FHOD3: variants seen among roughly 807,000 people sequenced by gnomAD.
FHOD3 encodes FH1/FH2 domain-containing protein 3.
FHOD3 carries 90 observed loss-of-function variants against 173.0 expected under a neutral mutation model. That is an observed-to-expected ratio of 0.52 (90% confidence interval 0.44 to 0.62). FHOD3 has a LOEUF of 0.62. FHOD3 is among the 20% of genes least tolerant of loss of function. The pLI, the probability that FHOD3 is intolerant of heterozygous loss-of-function variation, is 0.00. For synonymous variants in FHOD3, 828 were observed against 823.0 expected (o/e 1.01, Z -0.10); for missense variants, 1,945 against 2,034.7 (o/e 0.96, Z 0.85).
At position 36,753,338 on chromosome 18, in the gene FHOD3, T is replaced by G. The variant is rs575875037; in HGVS notation, c.4233-1781T>G. Among the ~76,000 whole-genome samples, 4 of 152,294 alleles carry G rather than the reference T, an allele frequency of 2.6e-5. No individual in the cohort carries two copies. In the South Asian group the frequency reaches 8.3e-4, roughly 32 times the overall value. The stretch of plus-strand genomic sequence containing the variant: ...TCAGGGAATAACCAGGATTCCAGTG[T>G]AACTAGAGTCACAAGAGATGAAGTC... On this transcript the variant is annotated intron_variant, in intron 24 of 28. Transcript: ENST00000590592.
intron 11 of FHOD3, among the ~76,000 whole-genome samples, chr18:36,652,078 G>C (rs549145296): frequency 6.6e-6 from 1 of 152,160 alleles, no homozygotes; most frequent in Non-Finnish European, 1.5e-5. Flanking sequence ...TGTCACAAAA[G>C]GTTCTGGAAG....
At chr18:36,510,789 TTC>T (rs1438987966) in intron 4 of FHOD3, among the ~76,000 whole-genome samples, 1 of 152,214 alleles carries the variant, frequency 6.6e-6, no homozygotes, top group Admixed American at 6.5e-5. Context: ...TTGTCCCATT[TTC>T]TTTCTTCCAA....
At chr18:36,649,192 AATT>A (rs2035884908) in intron 10 of FHOD3, 121 bp from the exon 11 acceptor site, 12 of 520,808 alleles carry the variant, frequency 2.3e-5, no homozygotes, top group South Asian at 8.8e-5. Flanking sequence ...TTTTTTTTTT[AATT>A]ATTATTATTT....
At position 36,337,549 on chromosome 18, in the gene FHOD3, C is replaced by T. The variant is rs190712663; in HGVS notation, c.166-17990C>T. ...CCTGCATGTGGCTCTTTGGAAGGGC[C>T]ATCCTTCAGCATCCTGGAGCTCCAG... On this transcript the variant is annotated intron_variant, in intron 1 of 28. Transcript: ENST00000590592. 2.0e-3 allele frequency among the ~76,000 whole-genome samples: 312 copies of T among 152,284 alleles called. 1 individual carries two copies. The highest frequency in any genetic ancestry group is 7.2e-3 in the African/African-American group (298 of 41,552).
chr18:36,398,512 T>C (rs2048658670), intron 3 of FHOD3, among the ~76,000 whole-genome samples: 1 of 152,198 alleles, frequency 6.6e-6, no homozygotes, highest in Non-Finnish European at 1.5e-5. Context: ...CACTCAGTAC[T>C]GGTTAGGATT....
intron 19 of FHOD3, among the ~76,000 whole-genome samples, chr18:36,722,576 T>C (rs1434712901): frequency 6.6e-6 from 1 of 152,160 alleles, no homozygotes; most frequent in Admixed American, 6.5e-5. Flanking sequence ...AAAAATTAGG[T>C]CAGGGTGAGC....
chr18:36,763,116 A>AATATGTGTATTATACACGTTAT, intron 27 of FHOD3, among the ~76,000 whole-genome samples: 1 of 130,878 alleles, frequency 7.6e-6, no homozygotes, highest in East Asian at 2.0e-4. Context: ...CGTTATATAT[A>AATATGTGTATTATACACGTTAT]ATATGTGTAT....
intron 3 of FHOD3, among the ~76,000 whole-genome samples, chr18:36,377,548 T>C (rs1413096983): frequency 6.6e-6 from 1 of 152,204 alleles, no homozygotes; most frequent in Admixed American, 6.5e-5. Context: ...GACACTCTTG[T>C]TCTGACAGCA....
intron 22 of FHOD3, among the ~76,000 whole-genome samples, chr18:36,743,308 CAAAAAAAAA>C (rs57694311): frequency 9.1e-5 from 6 of 65,872 alleles, no homozygotes; most frequent in East Asian, 5.7e-4. Flanking sequence ...GACTCTGTCT[CAAAAAAAAA>C]AAAAAAAAAA....
intron 5 of FHOD3, among the ~76,000 whole-genome samples, chr18:36,538,784 G>A (rs1243646889): frequency 6.6e-6 from 1 of 152,190 alleles, no homozygotes; most frequent in Non-Finnish European, 1.5e-5. Flanking sequence ...AGGTAGGAAT[G>A]TGTGTGATTA....
chr18:36,537,795 G>T (rs2057055419), intron 5 of FHOD3, among the ~76,000 whole-genome samples: 1 of 152,196 alleles, frequency 6.6e-6, no homozygotes, highest in South Asian at 2.1e-4. Context: ...TAATTAGAAA[G>T]AAAATCAGTA....
At chr18:36,392,354 T>C (rs1008393838) in intron 3 of FHOD3, among the ~76,000 whole-genome samples, 1 of 152,146 alleles carries the variant, frequency 6.6e-6, no homozygotes, top group Non-Finnish European at 1.5e-5. Flanking sequence ...GAGTGTGGGA[T>C]TATAGTGAGA....
At chr18:36,624,351 C>T (rs2033933069) in intron 9 of FHOD3, among the ~76,000 whole-genome samples, 1 of 152,118 alleles carries the variant, frequency 6.6e-6, no homozygotes, top group South Asian at 2.1e-4. Context: ...CAGGGCACAC[C>T]TGGTTCATTA....
intron 18 of FHOD3, among the ~76,000 whole-genome samples, chr18:36,714,870 C>A (rs1190855780): frequency 6.6e-6 from 1 of 152,282 alleles, no homozygotes; most frequent in East Asian, 1.9e-4. Context: ...TCAGGTTAAG[C>A]CATTGTTGCA....
chr18:36,693,409 C>G lies in FHOD3; in HGVS notation c.2222C>G (p.Pro741Arg). The G allele has an allele frequency of 6.2e-7, 1 of 1,613,682 alleles. No homozygotes were observed. The highest frequency in any genetic ancestry group is 8.5e-7 in the Non-Finnish European group (1 of 1,179,774). The change falls in exon 17 of 29, where the codon CCT becomes CGT. Residue 741 changes from proline (P) to arginine (R), a missense_variant. Around this residue, in one of 5 missense-constraint regions of FHOD3, gnomAD observed 1,099 missense variants for 1,051.2 expected, o/e 1.05. Transcript: ENST00000590592. ...LTVSASSPGT[P>R]HHPQASAGDP... ...GTGTCTGCCTCCTCCCCAGGAACCC[C>G]TCACCATCCCCAAGGTGAGTACAGG...
intron 4 of FHOD3, among the ~76,000 whole-genome samples, chr18:36,507,841 C>T (rs1187278029): frequency 6.6e-6 from 1 of 152,086 alleles, no homozygotes; most frequent in South Asian, 2.1e-4. Flanking sequence ...TCTTCTTATG[C>T]CAGCAGAAGG....
At chr18:36,612,709 T>G (rs928315711) in intron 9 of FHOD3, among the ~76,000 whole-genome samples, 1 of 152,256 alleles carries the variant, frequency 6.6e-6, no homozygotes, top group African/African-American at 2.4e-5. Context: ...CTTTATATTA[T>G]GAAGTGTCAG....
intron 3 of FHOD3, among the ~76,000 whole-genome samples, chr18:36,446,398 A>C (rs1344051810): frequency 6.7e-6 from 1 of 148,252 alleles, no homozygotes; most frequent in Non-Finnish European, 1.5e-5. Flanking sequence ...CAGCAGCCCA[A>C]GCCTCTGCGG....
At position 36,501,979 on chromosome 18, in the gene FHOD3, T is replaced by C; in HGVS notation, c.385T>C (p.Ser129Pro). Residue 129 changes from serine to proline, a missense_variant, in exon 4 of 29, where the codon TCC (serine) becomes CCC (proline). Ser to Pro is a moderately conservative substitution (Grantham distance 74). Coordinates refer to ENST00000590592, the MANE Select transcript of FHOD3 (RefSeq NM_001281740.3). ...SGRDLRRALF[S>P]LKQIFQDDKD... is the part of the protein sequence containing the mutation. ...ACGAGATTTGAGAAGGGCCCTCTTC[T>C]CCCTGAAGCAGATATTTCAGGTAAA... 6.2e-7 allele frequency: 1 copy of C among 1,606,062 alleles called. No individual in the cohort carries two copies. The highest frequency in any genetic ancestry group is 1.3e-5 in the African/African-American group (1 of 74,844).
Sources: gnomAD v4.1 joint callset for allele counts (sites outside exome capture counted in the v4.1 genomes callset) on GRCh38, gnomAD v4.1.1 for gene constraint, gnomAD v4.1.1 regional missense constraint, MANE v1.5 for transcripts, NCBI Gene and HGNC (gene_info 2026-07-23, HGNC 2026-07-21) for gene names.